Variants in PTPRN2 observed in about 807,000 individuals in gnomAD.
PTPRN2 encodes the protein receptor-type tyrosine-protein phosphatase N2.
In PTPRN2, 74 loss-of-function variants were observed where a neutral mutation model predicts 118.8. The observed-to-expected ratio is 0.62, with a 90% CI of 0.52 to 0.76. The LOEUF is 0.76. Ranked by LOEUF, PTPRN2 falls within the 30% of genes least tolerant of loss-of-function variation. The probability of loss-of-function intolerance (pLI) is 0.00; values close to 1 mark genes in which losing one functional copy is unlikely to be tolerated. For synonymous variants in PTPRN2, 641 were observed against 608.0 expected (o/e 1.05, Z -0.80); for missense variants, 1,481 against 1,394.4 (o/e 1.06, Z -0.99).
rs368408320 is a variant in PTPRN2, at chr7:157,912,071, G to A, written c.1724-13334C>T. 1.9e-4 allele frequency among the ~76,000 whole-genome samples: 29 copies of A among 152,216 alleles called. No homozygotes were observed. The East Asian group carries it at 5.6e-3, about 29-fold the overall frequency. ...ATGAACCTTCTCACACGTGTCTCCA[G>A]GCCCATGTAGAGAATTTTCTCCAGT... On this transcript the variant is annotated intron_variant, in intron 11 of 22. Transcript: ENST00000389418.
intron 17 of PTPRN2, among the ~76,000 whole-genome samples, chr7:157,592,838 T>A: frequency 7.2e-6 from 1 of 139,148 alleles, no homozygotes; most frequent in African/African-American, 2.8e-5. Context: ...GGACGGAGGG[T>A]GGATGTGGCA....
intron 1 of PTPRN2, among the ~76,000 whole-genome samples, chr7:158,518,787 C>G (rs1823761960): frequency 6.6e-6 from 1 of 152,084 alleles, no homozygotes; most frequent in Non-Finnish European, 1.5e-5. Context: ...GAGTTCAAGA[C>G]CAGCCTGGGC....
intron 11 of PTPRN2, among the ~76,000 whole-genome samples, chr7:158,017,296 G>T (rs1432596809): frequency 6.6e-6 from 1 of 152,154 alleles, no homozygotes; most frequent in Admixed American, 6.5e-5. Context: ...AGGCCCCGCT[G>T]GAATCACTAG....
chr7:157,648,454 T>G (rs530920870), intron 14 of PTPRN2, among the ~76,000 whole-genome samples: 5 of 106,094 alleles, frequency 4.7e-5, no homozygotes, highest in Admixed American at 1.0e-4. Flanking sequence ...TGCACTGAAC[T>G]CGGTGGGTCG....
intron 12 of PTPRN2, among the ~76,000 whole-genome samples, chr7:157,807,746 G>A (rs891895930): frequency 3.3e-5 from 5 of 152,206 alleles, no homozygotes; most frequent in Non-Finnish European, 7.3e-5. Flanking sequence ...CCCTGCAAAT[G>A]CCTGGCCTCC....
At position 157,559,250 on chromosome 7, in the gene PTPRN2, C is replaced by T. The variant is rs545540748; in HGVS notation, c.2902+9652G>A. The stretch of plus-strand genomic sequence containing the variant: ...CTGGACTTCAGGCGCTAGGAACGGA[C>T]GCTTGGGACCTGCTGCCTCTGGGGA... On this transcript the variant is annotated intron_variant, in intron 21 of 22. Transcript: ENST00000389418. 2.0e-3 allele frequency among the ~76,000 whole-genome samples: 309 copies of T among 152,258 alleles called. 1 individual carries two copies. The highest frequency in any genetic ancestry group is 7.0e-3 in the African/African-American group (290 of 41,562).
intron 6 of PTPRN2, among the ~76,000 whole-genome samples, chr7:158,156,485 A>G (rs1247002371): frequency 6.6e-6 from 1 of 152,208 alleles, no homozygotes. Context: ...GGGACTTCGG[A>G]GCTGCCCACA....
At chr7:158,381,529 G>A (rs57521233) in intron 2 of PTPRN2, among the ~76,000 whole-genome samples, 11,335 of 152,122 alleles carry the variant, frequency 0.075, 1,438 homozygotes, top group African/African-American at 0.26. Context: ...AGCATTTTAG[G>A]CAAAGCCATT....
chr7:157,602,368 G>C (rs1801721106), intron 16 of PTPRN2, among the ~76,000 whole-genome samples: 1 of 152,238 alleles, frequency 6.6e-6, no homozygotes, highest in South Asian at 2.1e-4. Flanking sequence ...GCAGAGCCGA[G>C]AGCTGAGCAC....
rs59002245 is a variant in PTPRN2, at chr7:158,343,820, G to A, written c.164-26888C>T. 3.8e-3 allele frequency among the ~76,000 whole-genome samples: 574 copies of A among 152,172 alleles called. 4 individuals carry two copies. Among genetic ancestry groups the A allele is most frequent in the African/African-American group, 0.013 (542 of 41,410 alleles). On this transcript the variant is annotated intron_variant, in intron 2 of 22. Transcript: ENST00000389418. The stretch of plus-strand genomic sequence containing the variant: ...CGCAGAGGCTCAGGCAGCCATGCTC[G>A]TGGCACGTGGGCTGTCGCGGCTGCT...
Position 158,529,297 on chromosome 7 carries a change from A to C in PTPRN2, c.113-39512T>G, listed in dbSNP as rs1825036004. Among the ~76,000 whole-genome samples, 1 of 152,224 alleles carries C rather than the reference A, an allele frequency of 6.6e-6. No homozygotes were observed. The highest frequency in any genetic ancestry group is 2.1e-4 in the South Asian group (1 of 4,826). Reference sequence around the variant, plus strand: ...ATTTTCACATTTTAAAATCATCTCCATTTTGCTTTGGAATGCGTGGCATCT... The same window carrying C: ...ATTTTCACATTTTAAAATCATCTCCCTTTTGCTTTGGAATGCGTGGCATCT... On this transcript the variant is annotated intron_variant, in intron 1 of 22. Transcript: ENST00000389418. This position sits in a 1 kb window ranked among gnomAD's most constrained non-coding sequence, Gnocchi z 4.7.
At position 158,141,847 on chromosome 7, in the gene PTPRN2, T is replaced by C. The variant is rs114246372; in HGVS notation, c.911-3332A>G. Among the ~76,000 whole-genome samples, 874 of 152,262 alleles carry C rather than the reference T, an allele frequency of 5.7e-3. 8 individuals are homozygous for C. Among genetic ancestry groups the C allele is most frequent in the African/African-American group, 0.02 (825 of 41,542 alleles). On this transcript the variant is annotated intron_variant, in intron 6 of 22. Coordinates refer to ENST00000389418, the MANE Select transcript of PTPRN2 (RefSeq NM_002847.5). Reference sequence around the variant, plus strand: ...ATTTCTGAGACAGCATTATGTGTAGTTTAGCATGGGATGAAGCGGACAGAG... The same window carrying C: ...ATTTCTGAGACAGCATTATGTGTAGCTTAGCATGGGATGAAGCGGACAGAG...
At chr7:157,797,312 G>A (rs537851877) in intron 12 of PTPRN2, among the ~76,000 whole-genome samples, 33 of 152,342 alleles carry the variant, frequency 2.2e-4, no homozygotes, top group East Asian at 2.1e-3. Context: ...AGGAGAGTCC[G>A]GCCTTGTTGC....
chr7:158,340,455 G>A (rs1207863484), intron 2 of PTPRN2, among the ~76,000 whole-genome samples: 1 of 98,262 alleles, frequency 1.0e-5, no homozygotes. Flanking sequence ...GACACCCGCA[G>A]ACGTCACTCA....
intron 12 of PTPRN2, among the ~76,000 whole-genome samples, chr7:157,818,120 G>A (rs1309161905): frequency 6.6e-6 from 1 of 151,198 alleles, no homozygotes; most frequent in African/African-American, 2.4e-5. Flanking sequence ...GTGTGGGTGT[G>A]TGTAGTGTGT....
At chr7:157,756,807 A>C (rs1465025353) in intron 12 of PTPRN2, among the ~76,000 whole-genome samples, 5 of 151,210 alleles carry the variant, frequency 3.3e-5, no homozygotes, top group African/African-American at 7.3e-5. Flanking sequence ...AAAAAAAAAA[A>C]CCCTGTTCCT....
At position 157,612,283 on chromosome 7, in the gene PTPRN2, G is replaced by GT. The variant is rs577939760; in HGVS notation, c.2345-8209dup. On this transcript the variant is annotated intron_variant, in intron 15 of 22. Coordinates refer to ENST00000389418, the MANE Select transcript of PTPRN2 (RefSeq NM_002847.5). The stretch of plus-strand genomic sequence containing the variant: ...CTCGCAGGAACTAGAACAGTTTGCT[G>GT]TAACAGGAGCACAGATATCAGACAG... 5.3e-5 allele frequency among the ~76,000 whole-genome samples: 8 copies of GT among 152,344 alleles called. No individual in the cohort carries two copies. In the South Asian group the frequency reaches 1.2e-3, roughly 24 times the overall value.
intron 12 of PTPRN2, among the ~76,000 whole-genome samples, chr7:157,792,362 G>A (rs1332900227): frequency 1.3e-5 from 2 of 152,206 alleles, no homozygotes; most frequent in African/African-American, 2.4e-5. Context: ...TCAGCTCCCC[G>A]GGGCCACCTC....
In PTPRN2 at chr7:157,583,876, T is replaced by C. The variant is rs1800516745; in HGVS notation, c.2497-5736A>G. ...CAGCCTGGGTGACAGAGCGAGACTC[T>C]GTCTCAAACACACACACACACACAC... On this transcript the variant is annotated intron_variant, in intron 17 of 22. Coordinates refer to ENST00000389418, the MANE Select transcript of PTPRN2 (RefSeq NM_002847.5). The surrounding 1 kb of genome is among the most constrained non-coding windows in gnomAD (Gnocchi z 5.5). Among the ~76,000 whole-genome samples the C allele has an allele frequency of 7.1e-6, 1 of 141,498 alleles. No homozygotes were observed. 92.8% of individuals were successfully genotyped at this position (141,498 alleles called of 152,430 possible).
Sources: allele counts gnomAD v4.1 joint callset (sites outside exome capture counted in the v4.1 genomes callset), GRCh38; gene constraint gnomAD v4.1.1; non-coding constraint Gnocchi (gnomAD v3.1); transcripts MANE v1.5; gene names NCBI Gene and HGNC (gene_info 2026-07-23, HGNC 2026-07-21).